Variants in TMCC1 observed in about 807,000 individuals in gnomAD.
TMCC1 encodes the protein transmembrane and coiled-coil domain family 1.
Under a neutral mutation model 52.4 loss-of-function variants are expected in TMCC1, and 15 were observed. The ratio of observed to expected loss-of-function variants is 0.29; its 90% confidence interval spans 0.19 to 0.44. The LOEUF is 0.44. Ranked by LOEUF, TMCC1 falls within the 20% of genes least tolerant of loss-of-function variation. TMCC1 has a pLI of 1.00. For missense variants in TMCC1, 503 were observed against 806.0 expected, an observed-to-expected ratio of 0.62 and a Z score of 4.55; for synonymous variants, 279 against 301.9, an observed-to-expected ratio of 0.92 and a Z score of 0.79.
At chr3:129,655,133 A>G in intron 5 of TMCC1, 30 bp from the exon 6 acceptor site, 1 of 1,604,138 alleles carries the variant, frequency 6.2e-7, no homozygotes, top group Non-Finnish European at 8.5e-7. Flanking sequence ...TTAGAATTTT[A>G]TGAATTCTGT....
chr3:129,842,879 TA>T (rs2059482914), intron 2 of TMCC1, among the ~76,000 whole-genome samples: 1 of 152,062 alleles, frequency 6.6e-6, no homozygotes, highest in Non-Finnish European at 1.5e-5. Context: ...TTATCTACCT[TA>T]AAAAATACTT....
chr3:129,712,001 CAAAAAAAAA>C (rs71155567), intron 4 of TMCC1, among the ~76,000 whole-genome samples: 2 of 47,722 alleles, frequency 4.2e-5, no homozygotes, highest in Non-Finnish European at 3.3e-5. Flanking sequence ...GACTCTGTCT[CAAAAAAAAA>C]AAAAAAAAAA....
intron 4 of TMCC1, among the ~76,000 whole-genome samples, chr3:129,745,003 T>A (rs1017950661): frequency 1.3e-5 from 2 of 152,212 alleles, no homozygotes; most frequent in African/African-American, 4.8e-5. Context: ...ATTTCTCCAT[T>A]ATCACACAAT....
intron 1 of TMCC1, among the ~76,000 whole-genome samples, chr3:129,880,967 G>A (rs1244330301): frequency 6.6e-6 from 1 of 151,080 alleles, no homozygotes; most frequent in Non-Finnish European, 1.5e-5. Flanking sequence ...AGGTTCAAGC[G>A]ATTCTCCTGC....
At chr3:129,707,544 T>A (rs2048337473) in intron 4 of TMCC1, among the ~76,000 whole-genome samples, 1 of 152,220 alleles carries the variant, frequency 6.6e-6, no homozygotes, top group African/African-American at 2.4e-5. Context: ...GGCAGTCACT[T>A]GGGAAATAAA....
chr3:129,669,501 C>G (rs1483769309), intron 5 of TMCC1, among the ~76,000 whole-genome samples: 1 of 147,466 alleles, frequency 6.8e-6, no homozygotes, highest in Non-Finnish European at 1.5e-5. Context: ...ATGGTGAGAT[C>G]TCGGCTCACC....
At chr3:129,874,190 T>C (rs2061073254) in intron 2 of TMCC1, among the ~76,000 whole-genome samples, 1 of 152,212 alleles carries the variant, frequency 6.6e-6, no homozygotes, top group Admixed American at 6.5e-5. Context: ...AAAATGAGTT[T>C]GAAATAAAAA....
chr3:129,691,624 G>A (rs2047034273), intron 4 of TMCC1, among the ~76,000 whole-genome samples: 1 of 152,012 alleles, frequency 6.6e-6, no homozygotes, highest in Non-Finnish European at 1.5e-5. Flanking sequence ...CTACAAAAAT[G>A]ATAAATAAAA....
At chr3:129,757,542 TG>T (rs1479548482) in intron 4 of TMCC1, among the ~76,000 whole-genome samples, 1 of 152,272 alleles carries the variant, frequency 6.6e-6, no homozygotes, top group Non-Finnish European at 1.5e-5. Flanking sequence ...AGGAATCGGC[TG>T]GGCATGGTTG....
intron 5 of TMCC1, among the ~76,000 whole-genome samples, chr3:129,663,858 T>G (rs2087238439): frequency 6.6e-6 from 1 of 152,158 alleles, no homozygotes; most frequent in Non-Finnish European, 1.5e-5. Context: ...AACATCACAC[T>G]AGGTACTTCC....
chr3:129,797,063 C>T lies in TMCC1; in HGVS notation c.576+30740G>A, dbSNP rs191656268. ...CACATAGGCCAGGCGCGGTGGCTCA[C>T]GCCTGTAATCCCAGCACTTTGGGAG... On this transcript the variant is annotated intron_variant, in intron 4 of 6. Coordinates refer to ENST00000393238, the MANE Select transcript of TMCC1 (RefSeq NM_001017395.5). Among the ~76,000 whole-genome samples the T allele has an allele frequency of 4.6e-3, 696 of 152,248 alleles. 8 individuals are homozygous for T. The highest frequency in any genetic ancestry group is 0.016 in the African/African-American group (660 of 41,556).
Position 129,827,986 on chromosome 3 carries a change from T to G in TMCC1, c.393A>C (p.Pro131=). Residue 131 remains proline (P), a synonymous_variant, in exon 4 of 7, where the codon CCA becomes CCC. Transcript: ENST00000393238. ...LHSRRGKPEA[P]KGSPQINRKS... ...TCCTGTTGATTTGGGGACTTCCCTT[T>G]GGGGCCTCTGGCTTGCCCCGCCTAC... is the stretch of plus-strand genomic sequence containing the variant. The G allele has an allele frequency of 6.2e-7, 1 of 1,614,126 alleles. No individual in the cohort carries two copies. Among genetic ancestry groups the G allele is most frequent in the Non-Finnish European group, 8.5e-7 (1 of 1,180,002 alleles).
At chr3:129,705,996 T>C (rs1396412430) in intron 4 of TMCC1, among the ~76,000 whole-genome samples, 1 of 151,236 alleles carries the variant, frequency 6.6e-6, no homozygotes, top group Admixed American at 6.6e-5. Flanking sequence ...GTTCAAGCGA[T>C]TCTCCTGCCT....
At chr3:129,889,722 C>T (rs1415770764) in intron 1 of TMCC1, among the ~76,000 whole-genome samples, 2 of 151,992 alleles carry the variant, frequency 1.3e-5, no homozygotes, top group Non-Finnish European at 2.9e-5. Context: ...TCTTTGCCTT[C>T]AAGAAGCTTG....
intron 4 of TMCC1, among the ~76,000 whole-genome samples, chr3:129,725,300 T>C (rs1003305264): frequency 6.6e-6 from 1 of 152,022 alleles, no homozygotes; most frequent in Non-Finnish European, 1.5e-5. Flanking sequence ...TTAGTAGAGA[T>C]GGGGTTTCAC....
intron 4 of TMCC1, among the ~76,000 whole-genome samples, chr3:129,795,747 A>G (rs2056782211): frequency 6.6e-6 from 1 of 152,238 alleles, no homozygotes; most frequent in African/African-American, 2.4e-5. Context: ...CGTTCTGAGT[A>G]GCATGATAAA....
At chr3:129,730,724 A>C (rs998780050) in intron 4 of TMCC1, among the ~76,000 whole-genome samples, 3 of 152,218 alleles carry the variant, frequency 2.0e-5, no homozygotes, top group African/African-American at 7.2e-5. Context: ...GAATTGTGTT[A>C]AAAGGATAAT....
At chr3:129,835,635 GT>G (rs958017700) in intron 2 of TMCC1, among the ~76,000 whole-genome samples, 1 of 152,084 alleles carries the variant, frequency 6.6e-6, no homozygotes, top group African/African-American at 2.4e-5. Context: ...TCTGCAATAT[GT>G]TTTTAAAAAG....
At chr3:129,714,747 T>C (rs1340434118) in intron 4 of TMCC1, among the ~76,000 whole-genome samples, 1 of 152,192 alleles carries the variant, frequency 6.6e-6, no homozygotes, top group African/African-American at 2.4e-5. Context: ...TCTACACTCC[T>C]TAGAAATGAT....
Sources: gnomAD v4.1 joint callset for allele counts (sites outside exome capture counted in the v4.1 genomes callset) on GRCh38, gnomAD v4.1.1 for gene constraint, MANE v1.5 for transcripts, NCBI Gene and HGNC (gene_info 2026-07-23, HGNC 2026-07-21) for gene names.